Variants in SEPTIN14 observed in about 807,000 individuals in gnomAD.
SEPTIN14 encodes the protein septin 14, also known as septin-14.
A neutral mutation model predicts 53.6 loss-of-function variants in SEPTIN14; 40 were observed. The observed-to-expected ratio is 0.75, with a 90% CI of 0.58 to 0.97. The LOEUF (loss-of-function observed/expected upper bound fraction) is 0.97. SEPTIN14 is among the 50% of genes least tolerant of loss of function. The pLI is 0.00. For synonymous variants in SEPTIN14, 138 were observed against 166.8 expected (o/e 0.83, Z 1.33); for missense variants, 471 against 508.2 (o/e 0.93, Z 0.70).
At chr7:55,861,176 G>A (rs1295173733) in intron 2 of SEPTIN14, among the ~76,000 whole-genome samples, 1 of 152,148 alleles carries the variant, frequency 6.6e-6, no homozygotes, top group Non-Finnish European at 1.5e-5. Flanking sequence ...TTCAGTCCCT[G>A]AGAAATTCCT....
rs139339121 is a variant in SEPTIN14 at position 55,860,409 on chromosome 7, G to T, written c.54+1534C>A. Reference sequence around the variant, plus strand: ...GTGAGTAGTGGGGGGATGAACAGAGGTTGGCTGGTGGGTTCAAACATTCAG... The same window carrying T: ...GTGAGTAGTGGGGGGATGAACAGAGTTTGGCTGGTGGGTTCAAACATTCAG... On this transcript the variant is annotated intron_variant, in intron 2 of 9. Transcript: ENST00000388975. 3.6e-3 allele frequency among the ~76,000 whole-genome samples: 544 copies of T among 152,232 alleles called. 5 individuals carry two copies. The highest frequency in any genetic ancestry group is 0.012 in the African/African-American group (514 of 41,550).
chr7:55,843,272 A>G (rs1020476948), intron 4 of SEPTIN14, 144 bp from the exon 5 acceptor site: 4 of 504,038 alleles, frequency 7.9e-6, no homozygotes, highest in African/African-American at 3.9e-5. Flanking sequence ...ATACAAAGAT[A>G]TTAATTCTAA....
At chr7:55,811,308 C>T (rs1788701704) in intron 7 of SEPTIN14, 5 of 511,226 alleles carry the variant, frequency 9.8e-6, no homozygotes, top group East Asian at 5.3e-5. Context: ...TGGCTTGATT[C>T]GTATTTCCAC....
At chr7:55,855,805 C>T (rs1789613995) in intron 2 of SEPTIN14, among the ~76,000 whole-genome samples, 2 of 151,422 alleles carry the variant, frequency 1.3e-5, no homozygotes, top group Admixed American at 6.6e-5. Context: ...ACCCACCTCG[C>T]CCTCCCAAAG....
At chr7:55,800,759 G>A (rs373100903) in intron 9 of SEPTIN14, among the ~76,000 whole-genome samples, 5 of 152,072 alleles carry the variant, frequency 3.3e-5, no homozygotes, top group African/African-American at 7.2e-5. Context: ...TAAATAAGAC[G>A]CAGTATTTGA....
At chr7:55,834,325 C>G (rs1027184803) in intron 6 of SEPTIN14, 100 bp downstream of exon 6, 2 of 770,260 alleles carry the variant, frequency 2.6e-6, no homozygotes, top group African/African-American at 3.6e-5. Flanking sequence ...CGATTCTCAG[C>G]AGAAGCTTTA....
intron 2 of SEPTIN14, among the ~76,000 whole-genome samples, chr7:55,861,734 G>A (rs917605418): frequency 2.0e-5 from 3 of 152,112 alleles, no homozygotes; most frequent in Non-Finnish European, 4.4e-5. Context: ...CTGCTAACAA[G>A]GTCATCGGAC....
intron 2 of SEPTIN14, among the ~76,000 whole-genome samples, chr7:55,856,495 G>A (rs972646741): frequency 4.0e-5 from 6 of 151,702 alleles, no homozygotes; most frequent in South Asian, 2.1e-4. Flanking sequence ...AGGTTCAAGC[G>A]ATTCTCCTGC....
chr7:55,802,940 C>CTT (rs1376207267), intron 9 of SEPTIN14, among the ~76,000 whole-genome samples: 13 of 145,610 alleles, frequency 8.9e-5, no homozygotes, highest in Admixed American at 2.1e-4. Context: ...TGAAACTGAA[C>CTT]TTTTTTTTTT....
At position 55,861,968 on chromosome 7, in the gene SEPTIN14, G is replaced by C. The variant is rs1173801576; in HGVS notation, c.29C>G (p.Thr10Arg). 3 of 1,583,826 alleles carry C rather than the reference G, an allele frequency of 1.9e-6. No individual in the cohort carries two copies. ...TGTATCTCCATCAGCAGGTATTTGT[G>C]TGGGCATAGCCATTGTTCTTTCTGC... MAERTMAMP[T>R]QIPADGDTQK... The change falls in exon 2 of 10, where the codon ACA (threonine) becomes AGA (arginine). Residue 10 changes from threonine (T) to arginine (R), a missense_variant. Transcript: ENST00000388975.
intron 9 of SEPTIN14, among the ~76,000 whole-genome samples, chr7:55,804,267 G>GA (rs1554327130): frequency 7.7e-6 from 1 of 129,110 alleles, no homozygotes. Context: ...GGTTTTTTTT[G>GA]TTTTTTTTTT....
At chr7:55,848,558 A>G (rs954670929) in intron 2 of SEPTIN14, among the ~76,000 whole-genome samples, 2 of 151,604 alleles carry the variant, frequency 1.3e-5, no homozygotes, top group Non-Finnish European at 2.9e-5. Context: ...TAGCCTCCAA[A>G]GGGCTGGGAT....
Position 55,794,995 on chromosome 7 carries a change from G to T in SEPTIN14, c.*918C>A, listed in dbSNP as rs1337689494. ...TAACTTTGGCATATACCCCAAATCT[G>T]TAACACATAATATTATCATTCAAAT... On this transcript the variant is annotated 3_prime_UTR_variant, in exon 10 of 10. Coordinates refer to ENST00000388975, the MANE Select transcript of SEPTIN14 (RefSeq NM_207366.3). 6.6e-6 allele frequency: 1 copy of T among 152,072 alleles called. No homozygotes were observed. The highest frequency in any genetic ancestry group is 1.5e-5 in the Non-Finnish European group (1 of 68,034). 9.4% of individuals were successfully genotyped at this position (152,072 alleles called of 1,614,324 possible). A position where few individuals can be genotyped will look rare whatever the true frequency, so the allele number is the denominator to read the frequency against.
intron 9 of SEPTIN14, among the ~76,000 whole-genome samples, chr7:55,801,792 A>G (rs986619771): frequency 1.3e-5 from 2 of 151,904 alleles, no homozygotes; most frequent in African/African-American, 4.8e-5. Context: ...ACGGTGGTAC[A>G]TGCCTGCGGT....
intron 6 of SEPTIN14, among the ~76,000 whole-genome samples, chr7:55,821,958 C>T (rs920489255): frequency 1.3e-5 from 2 of 152,144 alleles, no homozygotes; most frequent in African/African-American, 4.8e-5. Context: ...AAGTGAAAGG[C>T]ACTTCCTACA....
intron 7 of SEPTIN14, among the ~76,000 whole-genome samples, chr7:55,813,165 G>C (rs1788732085): frequency 6.6e-6 from 1 of 152,054 alleles, no homozygotes; most frequent in Non-Finnish European, 1.5e-5. Flanking sequence ...GGTCAGGCTG[G>C]TCTTGAACTC....
chr7:55,834,325 C>T (rs1027184803), intron 6 of SEPTIN14, 100 bp downstream of exon 6: 3 of 770,378 alleles, frequency 3.9e-6, no homozygotes, highest in Non-Finnish European at 4.0e-6. Flanking sequence ...CGATTCTCAG[C>T]AGAAGCTTTA....
intron 2 of SEPTIN14, among the ~76,000 whole-genome samples, chr7:55,859,631 T>G (rs1176267517): frequency 6.6e-6 from 1 of 152,134 alleles, no homozygotes; most frequent in Non-Finnish European, 1.5e-5. Flanking sequence ...AATCCCTCCC[T>G]TCACTTCTTT....
chr7:55,795,808 A>C lies in SEPTIN14; in HGVS notation c.*105T>G. 4.5e-6 allele frequency: 4 copies of C among 890,804 alleles called. No individual in the cohort carries two copies. The allele number at this position is 890,804 out of a possible 1,614,324, so 55.2% of individuals were successfully genotyped here. A position where few individuals can be genotyped will look rare whatever the true frequency, so the allele number is the denominator to read the frequency against. ...AGTTGGGGAAAATATACAATAAGCA[A>C]GCCAATTTTTAAAATGAGAACTTCA... On this transcript the variant is annotated 3_prime_UTR_variant, in exon 10 of 10. Transcript: ENST00000388975.
Sources: allele counts gnomAD v4.1 joint callset (sites outside exome capture counted in the v4.1 genomes callset), GRCh38; gene constraint gnomAD v4.1.1; transcripts MANE v1.5; gene names NCBI Gene and HGNC (gene_info 2026-07-23, HGNC 2026-07-21).